Variants in CSTF2 observed in about 807,000 individuals in gnomAD.
CSTF2 encodes the protein cleavage stimulation factor subunit 2, also known as CF-1 64 kDa subunit.
Under a neutral mutation model 45.4 loss-of-function variants are expected in CSTF2, and 8 were observed. That is an observed-to-expected ratio of 0.18 (90% CI 0.10 to 0.32). CSTF2 has a LOEUF of 0.32. CSTF2 is among the 10% of genes least tolerant of loss of function. The pLI, the probability that CSTF2 is intolerant of heterozygous loss-of-function variation, is 1.00. For synonymous variants in CSTF2, 155 were observed against 158.9 expected (o/e 0.98, Z 0.18); for missense variants, 253 against 477.1 (o/e 0.53, Z 4.38).
chrX:100,836,603 G>A (rs996180901), intron 11 of CSTF2, among the ~76,000 whole-genome samples: 1 of 111,725 alleles, frequency 9.0e-6, no homozygotes, highest in African/African-American at 3.3e-5. Context: ...GTTAGATTTG[G>A]TACTCAAGAG....
At chrX:100,830,595 CA>C (rs2084969229) in intron 8 of CSTF2, among the ~76,000 whole-genome samples, 1 of 111,572 alleles carries the variant, frequency 9.0e-6, no homozygotes, top group Admixed American at 9.5e-5. Context: ...GATTCCCTTT[CA>C]AAAGCTATCT....
chrX:100,824,367 A>T, intron 6 of CSTF2, 110 bp downstream of exon 6: 1 of 875,824 alleles, frequency 1.1e-6, no homozygotes, highest in Non-Finnish European at 1.5e-6. Flanking sequence ...GATAATTTCA[A>T]TTTCCAGGCA....
chrX:100,823,286 G>A lies in CSTF2; in HGVS notation c.308-6G>A. The A allele has an allele frequency of 8.3e-7, 1 of 1,205,626 alleles. No individual in the cohort carries two copies. Among genetic ancestry groups the A allele is most frequent in the Non-Finnish European group, 1.1e-6 (1 of 893,010 alleles). On this transcript the variant is annotated splice_region_variant and splice_polypyrimidine_tract_variant and intron_variant, in intron 3 of 13. Coordinates refer to ENST00000372972, the MANE Select transcript of CSTF2 (RefSeq NM_001325.3). Reference sequence around the variant, plus strand: ...CCTAACTTTCTTGTACTTTCTTCTTGATTAGGCCTTGGCACTGGTGCCCCT... The same window carrying A: ...CCTAACTTTCTTGTACTTTCTTCTTAATTAGGCCTTGGCACTGGTGCCCCT...
intron 10 of CSTF2, 133 bp from the exon 11 acceptor site, chrX:100,833,047 C>T: frequency 2.1e-6 from 2 of 966,519 alleles, no homozygotes; most frequent in Non-Finnish European, 2.8e-6. Context: ...GGGGAGGAGA[C>T]AATAGTCTCA....
At chrX:100,833,555 T>C (rs1228020561) in intron 11 of CSTF2, 83 bp downstream of exon 11, 1 of 951,757 alleles carries the variant, frequency 1.1e-6, no homozygotes, top group East Asian at 3.3e-5. Context: ...TATTACTGCC[T>C]TCTGACTTGG....
Position 100,824,289 on chromosome X carries a change from T to C in CSTF2, c.702+32T>C, listed in dbSNP as rs756892841. ...CTTTATCCCTTAACATTTTTTTGTA[T>C]CTGTCTTAGAATGTCATTTTCTTTT... On this transcript the variant is annotated intron_variant, in intron 6 of 13. Transcript: ENST00000372972. 1.1e-5 allele frequency: 13 copies of C among 1,161,900 alleles called. No individual in the cohort carries two copies. The South Asian group carries it at 2.4e-4, about 21-fold the overall frequency.
Position 100,823,568 on chromosome X carries a change from G to C in CSTF2, c.444+140G>C, listed in dbSNP as rs1323511821. ...ACCTTCAATATTCTGTATGTACACA[G>C]TATATTTTACATTTTGTACAAAGAG... On this transcript the variant is annotated intron_variant, in intron 4 of 13. Transcript: ENST00000372972. The C allele has an allele frequency of 1.1e-5, 7 of 662,275 alleles. No homozygotes were observed. The African/African-American group carries it at 1.3e-4, about 13-fold the overall frequency. 54.6% of individuals were successfully genotyped at this position (662,275 alleles called of 1,213,427 possible). A position where few individuals can be genotyped will look rare whatever the true frequency, so the allele number is the denominator to read the frequency against.
intron 9 of CSTF2, 76 bp from the exon 10 acceptor site, chrX:100,832,658 T>C: frequency 1.1e-6 from 1 of 931,024 alleles, no homozygotes; most frequent in Non-Finnish European, 1.5e-6. Flanking sequence ...TTGTTGGATG[T>C]TTACTTACTG....
rs771938537 is a variant in CSTF2 at position 100,828,059 on chromosome X, T to G, written c.846T>G (p.Val282=). The change falls in exon 8 of 14, where the codon GTT becomes GTG. Residue 282 remains valine (V), a synonymous_variant. Transcript: ENST00000372972. The stretch of plus-strand genomic sequence containing the variant: ...TTCTAGGAGGAATGCAGGCTCAGGT[T>G]GGAATGCCAGGAAGTGGACCAGTGT... ...LAPGGGMQAQ[V]GMPGSGPVSM... is the part of the protein sequence containing the mutation. 4 of 1,205,980 alleles carry G rather than the reference T, an allele frequency of 3.3e-6. No individual in the cohort carries two copies. Among genetic ancestry groups the G allele is most frequent in the East Asian group, 6.0e-5 (2 of 33,594 alleles).
At chrX:100,830,528 G>A (rs2084968877) in intron 8 of CSTF2, among the ~76,000 whole-genome samples, 1 of 111,297 alleles carries the variant, frequency 9.0e-6, no homozygotes, top group African/African-American at 3.3e-5. Context: ...TAGTAGCAGA[G>A]GTGAAAATCG....
chrX:100,821,679 A>G (rs1201833377), intron 2 of CSTF2, 74 bp downstream of exon 2: 1 of 744,538 alleles, frequency 1.3e-6, no homozygotes, highest in South Asian at 2.3e-5. Context: ...TAATAATGGC[A>G]GGTTTTCTTT....
chrX:100,841,218 C>G lies in CSTF2; in HGVS notation c.*508C>G, dbSNP rs903467716. ...GTCTTCTAGGAGAAAATATCACATG[C>G]TTAGAGCTATAAAATGGTCAGAAGG... is the stretch of plus-strand genomic sequence containing the variant. On this transcript the variant is annotated 3_prime_UTR_variant, in exon 14 of 14. Coordinates refer to ENST00000372972, the MANE Select transcript of CSTF2 (RefSeq NM_001325.3). 3.6e-5 allele frequency among the ~76,000 whole-genome samples: 4 copies of G among 112,488 alleles called. No individual in the cohort carries two copies. Among genetic ancestry groups the G allele is most frequent in the African/African-American group, 6.5e-5 (2 of 30,968 alleles).
chrX:100,833,117 T>C (rs2084985683), intron 10 of CSTF2, 63 bp from the exon 11 acceptor site: 1 of 1,110,443 alleles, frequency 9.0e-7, no homozygotes, highest in Non-Finnish European at 1.2e-6. Flanking sequence ...TCTTGGATTG[T>C]TCATCATTCT....
intron 11 of CSTF2, among the ~76,000 whole-genome samples, chrX:100,837,098 G>A (rs771723733): frequency 8.9e-6 from 1 of 112,213 alleles, no homozygotes; most frequent in African/African-American, 3.2e-5. Context: ...CAGTTGTGCT[G>A]TGTAATATTT....
intron 6 of CSTF2, among the ~76,000 whole-genome samples, chrX:100,825,293 A>G (rs2084938311): frequency 9.0e-6 from 1 of 111,428 alleles, no homozygotes; most frequent in Non-Finnish European, 1.9e-5. Flanking sequence ...TTTCTATATG[A>G]TTTGTATATC....
At chrX:100,822,226 C>T (rs756089745) in intron 2 of CSTF2, 25 bp from the exon 3 acceptor site, 1 of 1,183,456 alleles carries the variant, frequency 8.4e-7, no homozygotes, top group Non-Finnish European at 1.1e-6. Flanking sequence ...AACATTTGTT[C>T]CTGACACTTG....
intron 6 of CSTF2, among the ~76,000 whole-genome samples, chrX:100,824,464 C>T (rs2084934376): frequency 8.9e-6 from 1 of 111,978 alleles, no homozygotes; most frequent in South Asian, 3.7e-4. Context: ...AGATCCTTCC[C>T]GTATGCCCTT....
intron 6 of CSTF2, among the ~76,000 whole-genome samples, chrX:100,825,432 T>G (rs1448810572): frequency 9.0e-6 from 1 of 111,497 alleles, no homozygotes; most frequent in Non-Finnish European, 1.9e-5. Context: ...ATATAAAAAT[T>G]TATTCAACTT....
intron 6 of CSTF2, 118 bp from the exon 7 acceptor site, chrX:100,826,516 A>G (rs1348631540): frequency 2.1e-5 from 13 of 632,469 alleles, no homozygotes; most frequent in African/African-American, 1.5e-4. Flanking sequence ...CCATACAAAA[A>G]GGATGTTTAG....
Sources: gnomAD v4.1 joint callset for allele counts (sites outside exome capture counted in the v4.1 genomes callset) on GRCh38, gnomAD v4.1.1 for gene constraint, MANE v1.5 for transcripts, NCBI Gene and HGNC (gene_info 2026-07-23, HGNC 2026-07-21) for gene names.